Variants in WWTR1 observed in about 807,000 individuals in gnomAD.
WWTR1 encodes WW domain-containing transcription regulator protein 1.
In WWTR1, 13 loss-of-function variants were observed where a neutral mutation model predicts 40.1. The observed-to-expected ratio is 0.32, with a 90% CI of 0.21 to 0.52. The LOEUF (loss-of-function observed/expected upper bound fraction) is 0.52. Among genes scored for constraint, WWTR1 ranks in the 20% least tolerant of loss-of-function variants. The pLI is 0.97. For missense variants in WWTR1, 436 were observed against 523.1 expected (o/e 0.83, Z 1.63); for synonymous variants, 230 against 210.1 (o/e 1.09, Z -0.82).
At chr3:149,536,430 C>CGACA (rs1479073621) in intron 4 of WWTR1, among the ~76,000 whole-genome samples, 45 of 151,864 alleles carry the variant, frequency 3.0e-4, no homozygotes, top group African/African-American at 1.1e-3. Flanking sequence ...TGCTCCAATA[C>CGACA]GACACTCTCC....
intron 4 of WWTR1, among the ~76,000 whole-genome samples, chr3:149,538,294 A>T (rs1246463970): frequency 6.6e-6 from 1 of 152,230 alleles, no homozygotes; most frequent in Non-Finnish European, 1.5e-5. Context: ...ATGAAGAGAA[A>T]GCAAAACTTC....
intron 4 of WWTR1, among the ~76,000 whole-genome samples, chr3:149,719,616 G>C (rs1234504988): frequency 1.3e-5 from 2 of 152,140 alleles, no homozygotes; most frequent in African/African-American, 2.4e-5. Flanking sequence ...TTGATACTTT[G>C]CTTTTAATTC....
rs878932765 is a variant in WWTR1, at chr3:149,520,667, T to A, written c.*138A>T. ...AATCAAAACCAGGCAATGATTAAAC[T>A]GGCAACATAAAAAGGAGGGAGCACG... is the stretch of plus-strand genomic sequence containing the variant. On this transcript the variant is annotated 3_prime_UTR_variant, in exon 7 of 7. Transcript: ENST00000360632. 4 of 697,410 alleles carry A rather than the reference T, an allele frequency of 5.7e-6. No individual in the cohort carries two copies. In the South Asian group the frequency reaches 1.7e-4, roughly 29 times the overall value. The allele number at this position is 697,410 out of a possible 1,614,324, so 43.2% of individuals were successfully genotyped here.
intron 2 of WWTR1, among the ~76,000 whole-genome samples, chr3:149,579,558 T>C (rs1576575452): frequency 6.6e-6 from 1 of 152,168 alleles, no homozygotes. Context: ...ACACCTGTAA[T>C]CTTAGCACTC....
chr3:149,602,687 C>T lies in WWTR1; in HGVS notation c.432-29687G>A, dbSNP rs139696658. Among the ~76,000 whole-genome samples the T allele has an allele frequency of 1.7e-4, 26 of 152,202 alleles. No homozygotes were observed. The East Asian group carries it at 3.7e-3, about 21-fold the overall frequency. Reference sequence around the variant, plus strand: ...CTTCCCCCCCAACTTTTTTTTGAGACGGAGTCTCACTCTGTTGCCCAGACT... The same window carrying T: ...CTTCCCCCCCAACTTTTTTTTGAGATGGAGTCTCACTCTGTTGCCCAGACT... On this transcript the variant is annotated intron_variant, in intron 2 of 6. Coordinates refer to ENST00000360632, the MANE Select transcript of WWTR1 (RefSeq NM_015472.6).
At chr3:149,698,021 C>T (rs999143341) in intron 1 of WWTR1, among the ~76,000 whole-genome samples, 4 of 152,186 alleles carry the variant, frequency 2.6e-5, no homozygotes, top group East Asian at 1.9e-4. Flanking sequence ...GCAGCCTTGC[C>T]CACATGGCTT....
intron 4 of WWTR1, among the ~76,000 whole-genome samples, chr3:149,539,614 G>C (rs141218312): frequency 4.6e-4 from 70 of 152,316 alleles, no homozygotes; most frequent in African/African-American, 1.6e-3. Flanking sequence ...AGAACAAACA[G>C]AAGTGTACAG....
chr3:149,713,905 C>T (rs888091040), intron 5 of WWTR1, among the ~76,000 whole-genome samples: 1 of 152,202 alleles, frequency 6.6e-6, no homozygotes, highest in African/African-American at 2.4e-5. Context: ...AGGCCCAGAG[C>T]CTCTGCTGCT....
intron 4 of WWTR1, 129 bp from the exon 5 acceptor site, chr3:149,528,098 C>G: frequency 8.5e-7 from 1 of 1,171,190 alleles, no homozygotes; most frequent in South Asian, 1.7e-5. Context: ...GTCAAAATCA[C>G]CAGGCAACCA....
chr3:149,692,364 A>G (rs1714853688), intron 1 of WWTR1, among the ~76,000 whole-genome samples: 1 of 152,202 alleles, frequency 6.6e-6, no homozygotes, highest in East Asian at 1.9e-4. Flanking sequence ...AAATCAAAGA[A>G]TGTGATACAT....
At chr3:149,690,177 A>C (rs1714773329) in intron 1 of WWTR1, among the ~76,000 whole-genome samples, 1 of 152,158 alleles carries the variant, frequency 6.6e-6, no homozygotes, top group Non-Finnish European at 1.5e-5. Flanking sequence ...TACCAGAGAA[A>C]ATCATTTTCA....
intron 2 of WWTR1, among the ~76,000 whole-genome samples, chr3:149,631,301 A>G (rs950882882): frequency 3.3e-5 from 5 of 152,214 alleles, no homozygotes; most frequent in African/African-American, 4.8e-5. Context: ...TTACTTTAAA[A>G]TAATTTTTTT....
intron 2 of WWTR1, among the ~76,000 whole-genome samples, chr3:149,600,870 A>C (rs1008737491): frequency 6.6e-6 from 1 of 152,178 alleles, no homozygotes; most frequent in Non-Finnish European, 1.5e-5. Flanking sequence ...TTTTGTAGAG[A>C]GACCCACTTG....
chr3:149,527,855 AG>A lies in WWTR1; in HGVS notation c.885del (p.Ser296GlnfsTer23). 1 of 1,614,070 alleles carries A rather than the reference AG, an allele frequency of 6.2e-7. No individual in the cohort carries two copies. The highest frequency in any genetic ancestry group is 8.5e-7 in the Non-Finnish European group (1 of 1,180,014). ...ACTTACCCATTGAGGAAAGGATCTGAGCTATTATTAGTGATGGATCTCATGT... is the reference window on the plus strand; with the variant it reads ...ACTTACCCATTGAGGAAAGGATCTGACTATTATTAGTGATGGATCTCATGT... ...TPDMRSITNN[S>X]SDPFLNGGPY... On this transcript the variant is annotated frameshift_variant, in exon 5 of 7. Transcript: ENST00000360632. LOFTEE classifies it high-confidence loss of function.
intron 2 of WWTR1, among the ~76,000 whole-genome samples, chr3:149,667,806 C>A (rs1412423687): frequency 2.0e-5 from 3 of 152,174 alleles, no homozygotes; most frequent in African/African-American, 7.2e-5. Flanking sequence ...TGATTTTAGA[C>A]AAGAGAAATT....
chr3:149,553,881 T>C (rs1246775161), intron 3 of WWTR1, among the ~76,000 whole-genome samples: 2 of 151,386 alleles, frequency 1.3e-5, no homozygotes, highest in Non-Finnish European at 2.9e-5. Flanking sequence ...TCTACAGAGG[T>C]AGGAAGAAAA....
At chr3:149,579,725 T>G (rs941990803) in intron 2 of WWTR1, among the ~76,000 whole-genome samples, 1 of 152,194 alleles carries the variant, frequency 6.6e-6, no homozygotes, top group Admixed American at 6.5e-5. Flanking sequence ...ACTGTCTTAT[T>G]TCAGAAAATC....
chr3:149,714,871 A>C (rs935862801), intron 5 of WWTR1, among the ~76,000 whole-genome samples: 5 of 152,132 alleles, frequency 3.3e-5, no homozygotes, highest in African/African-American at 9.7e-5. Flanking sequence ...AAAAACCCCC[A>C]GAGTCAGTCA....
chr3:149,550,698 CA>C (rs1736578455), intron 3 of WWTR1, among the ~76,000 whole-genome samples: 1 of 109,072 alleles, frequency 9.2e-6, no homozygotes, highest in Admixed American at 8.8e-5. Flanking sequence ...GACTGCTGTT[CA>C]AGATACAGAG....
Sources: allele counts gnomAD v4.1 joint callset (sites outside exome capture counted in the v4.1 genomes callset), GRCh38; gene constraint gnomAD v4.1.1; transcripts MANE v1.5; gene names NCBI Gene and HGNC (gene_info 2026-07-23, HGNC 2026-07-21).